The following BBS9 variants were observed in gnomAD, a reference collection of about 807,000 sequenced individuals.
The protein encoded by BBS9 is protein PTHB1.
In BBS9, 89 loss-of-function variants were observed where a neutral mutation model predicts 117.7. The observed-to-expected ratio is 0.76, with a 90% CI of 0.64 to 0.90. The LOEUF (loss-of-function observed/expected upper bound fraction) is 0.90, where lower values mean the gene tolerates loss of function less well. Ranked by LOEUF, BBS9 falls within the 40% of genes least tolerant of loss-of-function variation. The pLI, the probability that BBS9 is intolerant of heterozygous loss-of-function variation, is 0.00. For synonymous variants in BBS9, 379 were observed against 370.9 expected (o/e 1.02, Z -0.25); for missense variants, 982 against 1,042.2 (o/e 0.94, Z 0.80).
At chr7:33,601,248 C>T (rs538905565) in intron 21 of BBS9, among the ~76,000 whole-genome samples, 1 of 152,186 alleles carries the variant, frequency 6.6e-6, no homozygotes, top group East Asian at 2.0e-4. Context: ...GCCTGATTTC[C>T]AGGCCAGAAG....
chr7:33,541,111 A>G (rs1307915924), intron 21 of BBS9, among the ~76,000 whole-genome samples: 3 of 151,932 alleles, frequency 2.0e-5, no homozygotes, highest in Non-Finnish European at 4.4e-5. Context: ...TCAAGCTACC[A>G]CTGTAATTCG....
At chr7:33,563,419 A>G (rs1230014980) in intron 21 of BBS9, among the ~76,000 whole-genome samples, 2 of 152,206 alleles carry the variant, frequency 1.3e-5, no homozygotes, top group African/African-American at 4.8e-5. Context: ...TACGATCTCC[A>G]CTGACACAGG....
chr7:33,188,125 G>A (rs1246099761), intron 5 of BBS9, among the ~76,000 whole-genome samples: 1 of 56,498 alleles, frequency 1.8e-5, no homozygotes, highest in Non-Finnish European at 4.4e-5. Flanking sequence ...GGGTGGGGGT[G>A]GGGTAGGGTG....
intron 5 of BBS9, among the ~76,000 whole-genome samples, chr7:33,188,310 A>G (rs1056669016): frequency 6.6e-6 from 1 of 152,152 alleles, no homozygotes; most frequent in African/African-American, 2.4e-5. Context: ...GAACCATTCA[A>G]ATTCCTTCTG....
At chr7:33,219,350 G>T (rs980031933) in intron 5 of BBS9, among the ~76,000 whole-genome samples, 1 of 152,220 alleles carries the variant, frequency 6.6e-6, no homozygotes, top group Non-Finnish European at 1.5e-5. Context: ...CCAAGGGCTG[G>T]GGAGTGCGGG....
intron 19 of BBS9, among the ~76,000 whole-genome samples, chr7:33,441,594 C>T (rs765203665): frequency 3.9e-5 from 6 of 152,084 alleles, no homozygotes; most frequent in Non-Finnish European, 5.9e-5. Flanking sequence ...TGGTTAATAA[C>T]ACATGAAGCT....
intron 4 of BBS9, among the ~76,000 whole-genome samples, chr7:33,165,035 A>G (rs949288274): frequency 6.6e-6 from 1 of 152,066 alleles, no homozygotes; most frequent in African/African-American, 2.4e-5. Flanking sequence ...TGGTGACGAA[A>G]TCTCTCAGCA....
intron 20 of BBS9, among the ~76,000 whole-genome samples, chr7:33,527,988 C>T (rs1014575387): frequency 9.9e-5 from 15 of 152,030 alleles, no homozygotes; most frequent in African/African-American, 3.4e-4. Flanking sequence ...ACCCATTATA[C>T]GATTAGCTTT....
chr7:33,303,587 C>T (rs572767089), intron 9 of BBS9, among the ~76,000 whole-genome samples: 20 of 135,942 alleles, frequency 1.5e-4, no homozygotes, highest in African/African-American at 4.3e-4. Flanking sequence ...GCCGTGATCT[C>T]GGCTCGCTGC....
intron 19 of BBS9, among the ~76,000 whole-genome samples, chr7:33,492,658 T>G (rs966489038): frequency 2.6e-5 from 4 of 152,166 alleles, no homozygotes; most frequent in African/African-American, 9.7e-5. Flanking sequence ...AACATTCAAA[T>G]GCAGGTTTAC....
intron 4 of BBS9, among the ~76,000 whole-genome samples, chr7:33,166,106 G>A (rs2128135292): frequency 6.6e-6 from 1 of 152,310 alleles, no homozygotes; most frequent in East Asian, 1.9e-4. Context: ...TCAGCTGCAG[G>A]TCTGTTCGAG....
chr7:33,245,660 C>A (rs1795219237), intron 5 of BBS9, among the ~76,000 whole-genome samples: 1 of 152,036 alleles, frequency 6.6e-6, no homozygotes, highest in South Asian at 2.1e-4. Context: ...CATTTTGGTC[C>A]TCTTGATGGT....
chr7:33,569,521 C>T (rs968204047), intron 21 of BBS9, among the ~76,000 whole-genome samples: 4 of 151,518 alleles, frequency 2.6e-5, no homozygotes, highest in Non-Finnish European at 5.9e-5. Context: ...TTTGGGAGGC[C>T]GAGGCGGGCA....
At chr7:33,345,731 G>A (rs936220266) in intron 12 of BBS9, among the ~76,000 whole-genome samples, 3 of 152,080 alleles carry the variant, frequency 2.0e-5, no homozygotes, top group African/African-American at 4.8e-5. Context: ...AATAACTGTC[G>A]AGTTCCAGGA....
At chr7:33,316,200 G>T (rs1810474557) in intron 9 of BBS9, among the ~76,000 whole-genome samples, 1 of 152,138 alleles carries the variant, frequency 6.6e-6, no homozygotes, top group Non-Finnish European at 1.5e-5. Context: ...CTTTATGTAA[G>T]TGGGATCATA....
chr7:33,395,296 G>A (rs927193699), intron 19 of BBS9, among the ~76,000 whole-genome samples: 38 of 152,200 alleles, frequency 2.5e-4, no homozygotes, highest in Non-Finnish European at 4.1e-4. Context: ...GCCTTCAAAT[G>A]CTAATGCTGA....
chr7:33,315,839 A>G (rs922624086), intron 9 of BBS9, among the ~76,000 whole-genome samples: 11 of 152,190 alleles, frequency 7.2e-5, no homozygotes, highest in African/African-American at 1.4e-4. Context: ...AAAAGTTCAA[A>G]TGCATACAAA....
chr7:33,509,894 TAATC>T (rs1563277465), intron 20 of BBS9, among the ~76,000 whole-genome samples: 2 of 152,240 alleles, frequency 1.3e-5, no homozygotes, highest in African/African-American at 4.8e-5. Context: ...GGAGCAGAAT[TAATC>T]GTTGTCTGTG....
At chr7:33,619,443 A>G (rs1358454096) in intron 21 of BBS9, among the ~76,000 whole-genome samples, 1 of 152,122 alleles carries the variant, frequency 6.6e-6, no homozygotes, top group Non-Finnish European at 1.5e-5. Flanking sequence ...ACAATGGATA[A>G]ATCATCCAGG....
Sources: gnomAD v4.1 joint callset for allele counts (sites outside exome capture counted in the v4.1 genomes callset) on GRCh38, gnomAD v4.1.1 for gene constraint, MANE v1.5 for transcripts, NCBI Gene and HGNC (gene_info 2026-07-23, HGNC 2026-07-21) for gene names.